The following KCNIP4 variants were observed in gnomAD, a reference collection of about 807,000 sequenced individuals.
KCNIP4 encodes Kv channel-interacting protein 4.
A neutral mutation model predicts 34.0 loss-of-function variants in KCNIP4; 12 were observed. The ratio of observed to expected loss-of-function variants is 0.35; its 90% CI spans 0.23 to 0.57. The LOEUF is 0.57. Among genes scored for constraint, KCNIP4 ranks in the 20% least tolerant of loss-of-function variants. KCNIP4 has a pLI of 0.83. For missense variants in KCNIP4, 238 were observed against 311.7 expected (o/e 0.76, Z 1.78); for synonymous variants, 124 against 102.2 (o/e 1.21, Z -1.29).
intron 1 of KCNIP4, among the ~76,000 whole-genome samples, chr4:21,597,955 A>G (rs954412456): frequency 6.6e-6 from 1 of 152,158 alleles, no homozygotes; most frequent in Non-Finnish European, 1.5e-5. Context: ...AGAAAAGAAA[A>G]AATGCATTTT....
At chr4:21,645,904 C>A (rs947479489) in intron 1 of KCNIP4, among the ~76,000 whole-genome samples, 2 of 152,106 alleles carry the variant, frequency 1.3e-5, no homozygotes, top group Non-Finnish European at 2.9e-5. Context: ...TTGGAGCACA[C>A]ATTTTACATT....
At chr4:21,216,897 G>A (rs185493824) in intron 1 of KCNIP4, among the ~76,000 whole-genome samples, 401 of 152,268 alleles carry the variant, frequency 2.6e-3, no homozygotes, top group Non-Finnish European at 5.1e-3. Context: ...AAGGGAGATA[G>A]GAACATCTAA....
chr4:20,913,557 A>C (rs1461352980), intron 1 of KCNIP4, among the ~76,000 whole-genome samples: 1 of 152,236 alleles, frequency 6.6e-6, no homozygotes, highest in East Asian at 1.9e-4. Context: ...TCTCAATTTA[A>C]AAATAAATTC....
At chr4:21,566,603 T>C (rs981022485) in intron 1 of KCNIP4, among the ~76,000 whole-genome samples, 1 of 152,146 alleles carries the variant, frequency 6.6e-6, no homozygotes, top group African/African-American at 2.4e-5. Context: ...TGTCAGCCAA[T>C]TAAACCTTCT....
intron 1 of KCNIP4, among the ~76,000 whole-genome samples, chr4:21,622,587 T>G (rs1745064255): frequency 6.6e-6 from 1 of 152,186 alleles, no homozygotes; most frequent in South Asian, 2.1e-4. Context: ...TAATTTAACA[T>G]GTTTATTTAT....
At chr4:21,074,176 C>T (rs1334360034) in intron 1 of KCNIP4, among the ~76,000 whole-genome samples, 3 of 152,150 alleles carry the variant, frequency 2.0e-5, no homozygotes, top group Admixed American at 2.0e-4. Flanking sequence ...AGGATTCCCT[C>T]TTTTTCTTTT....
intron 1 of KCNIP4, among the ~76,000 whole-genome samples, chr4:21,251,778 C>T (rs957743971): frequency 1.3e-5 from 2 of 150,166 alleles, no homozygotes; most frequent in African/African-American, 2.5e-5. Flanking sequence ...AACCAAACAC[C>T]GCATATTCTC....
intron 1 of KCNIP4, 30 bp from the exon 2 acceptor site, chr4:20,882,739 G>C: frequency 2.0e-6 from 3 of 1,536,506 alleles, no homozygotes; most frequent in Non-Finnish European, 2.7e-6. Flanking sequence ...TTCTGTTAAT[G>C]CTGTCTGCAG....
chr4:21,435,551 G>T (rs1029975693), intron 1 of KCNIP4, among the ~76,000 whole-genome samples: 1 of 152,144 alleles, frequency 6.6e-6, no homozygotes, highest in Non-Finnish European at 1.5e-5. Context: ...ACAGCAAAGA[G>T]AATAGAAAAG....
chr4:21,151,166 G>T (rs557909623), intron 1 of KCNIP4, among the ~76,000 whole-genome samples: 1 of 152,244 alleles, frequency 6.6e-6, no homozygotes, highest in African/African-American at 2.4e-5. Flanking sequence ...TTTCACACAA[G>T]AGTTAAGTGT....
At chr4:21,157,066 C>A (rs370398802) in intron 1 of KCNIP4, among the ~76,000 whole-genome samples, 1 of 152,198 alleles carries the variant, frequency 6.6e-6, no homozygotes, top group Non-Finnish European at 1.5e-5. Context: ...AGAACATGAC[C>A]TCTTCGGCCT....
chr4:21,872,223 C>T (rs1411055240), intron 1 of KCNIP4, among the ~76,000 whole-genome samples: 1 of 152,052 alleles, frequency 6.6e-6, no homozygotes, highest in Non-Finnish European at 1.5e-5. Flanking sequence ...CTGTCTTATC[C>T]CCAGGAACAA....
Position 21,553,851 on chromosome 4 carries a change from T to A in KCNIP4, c.61+394720A>T, listed in dbSNP as rs78787621. 7.5e-3 allele frequency among the ~76,000 whole-genome samples: 1,140 copies of A among 152,230 alleles called. 62 individuals are homozygous for A. The East Asian group carries it at 0.15, about 20-fold the overall frequency. ...AGACACTGGTCACTAGATTTAGGAC[T>A]TACCCCAAAATGATTTTGTCCTGAA... On this transcript the variant is annotated intron_variant, in intron 1 of 8. Transcript: ENST00000382152.
At chr4:21,086,269 C>T (rs1746421196) in intron 1 of KCNIP4, among the ~76,000 whole-genome samples, 1 of 151,998 alleles carries the variant, frequency 6.6e-6, no homozygotes, top group Non-Finnish European at 1.5e-5. Context: ...TGCATCTGTC[C>T]CATGCTGTTT....
At chr4:21,272,468 T>C (rs1276539338) in intron 1 of KCNIP4, among the ~76,000 whole-genome samples, 2 of 152,212 alleles carry the variant, frequency 1.3e-5, no homozygotes, top group East Asian at 3.8e-4. Context: ...AGAGTTATTA[T>C]TATCCCCATT....
At chr4:21,484,004 C>G (rs1329543688) in intron 1 of KCNIP4, among the ~76,000 whole-genome samples, 1 of 126,350 alleles carries the variant, frequency 7.9e-6, no homozygotes, top group African/African-American at 3.3e-5. Flanking sequence ...GCCAATTAAA[C>G]CTTTTTTTTT....
chr4:21,943,758 T>G (rs2109022368), intron 1 of KCNIP4, among the ~76,000 whole-genome samples: 1 of 152,178 alleles, frequency 6.6e-6, no homozygotes, highest in South Asian at 2.1e-4. Flanking sequence ...TTCAGTAAAT[T>G]TAGTTGGTTT....
At chr4:20,850,427 T>G in intron 3 of KCNIP4, 116 bp downstream of exon 3, 25 of 1,097,066 alleles carry the variant, frequency 2.3e-5, no homozygotes, top group Non-Finnish European at 2.9e-5. Flanking sequence ...AGGATCAGTA[T>G]GAAATATACA....
intron 1 of KCNIP4, among the ~76,000 whole-genome samples, chr4:21,261,982 C>T (rs989374399): frequency 6.6e-6 from 1 of 152,150 alleles, no homozygotes; most frequent in Non-Finnish European, 1.5e-5. Context: ...TCAATACAAA[C>T]TCCTTTAGAT....
Sources: allele counts gnomAD v4.1 joint callset (sites outside exome capture counted in the v4.1 genomes callset), GRCh38; gene constraint gnomAD v4.1.1; transcripts MANE v1.5; gene names NCBI Gene and HGNC (gene_info 2026-07-23, HGNC 2026-07-21).